Variants in ATP8A2 observed in about 807,000 individuals in gnomAD.
ATP8A2 encodes phospholipid-transporting ATPase IB.
Under a neutral mutation model 165.6 loss-of-function variants are expected in ATP8A2, and 100 were observed. The observed-to-expected ratio is 0.60, with a 90% confidence interval of 0.51 to 0.71. The LOEUF (loss-of-function observed/expected upper bound fraction) is 0.71. Ranked by LOEUF, ATP8A2 falls within the 30% of genes least tolerant of loss-of-function variation. The probability of loss-of-function intolerance (pLI) is 0.00; values close to 1 mark genes in which losing one functional copy is unlikely to be tolerated. For missense variants in ATP8A2, 1,227 were observed against 1,479.5 expected (o/e 0.83, Z 2.80); for synonymous variants, 543 against 548.8 (o/e 0.99, Z 0.15).
chr13:25,590,254 A>G (rs1288078777), intron 24 of ATP8A2, among the ~76,000 whole-genome samples: 1 of 152,092 alleles, frequency 6.6e-6, no homozygotes, highest in Non-Finnish European at 1.5e-5. Flanking sequence ...GCAGGACCTC[A>G]TCTCTACAAA....
At chr13:25,904,710 C>T (rs550796984) in intron 33 of ATP8A2, among the ~76,000 whole-genome samples, 8 of 152,306 alleles carry the variant, frequency 5.3e-5, no homozygotes, top group African/African-American at 1.7e-4. Flanking sequence ...CATCTCCCCC[C>T]GGTAATTAAT....
chr13:25,447,367 A>G (rs942020670), intron 1 of ATP8A2, among the ~76,000 whole-genome samples: 3 of 152,120 alleles, frequency 2.0e-5, no homozygotes, highest in Non-Finnish European at 2.9e-5. Context: ...TAACATATCT[A>G]TCACCTCAAA....
intron 26 of ATP8A2, among the ~76,000 whole-genome samples, chr13:25,771,687 T>C (rs2044622684): frequency 1.3e-5 from 2 of 152,218 alleles, no homozygotes; most frequent in African/African-American, 4.8e-5. Flanking sequence ...AAGGAACTGA[T>C]GCAGCCCACA....
intron 27 of ATP8A2, among the ~76,000 whole-genome samples, chr13:25,776,191 C>T (rs535158535): frequency 5.3e-5 from 8 of 152,350 alleles, no homozygotes; most frequent in Non-Finnish European, 8.8e-5. Context: ...TTCGCCAAGA[C>T]GTGTGCACTT....
intron 24 of ATP8A2, among the ~76,000 whole-genome samples, chr13:25,689,570 A>G (rs1169918514): frequency 6.6e-6 from 1 of 152,236 alleles, no homozygotes; most frequent in Non-Finnish European, 1.5e-5. Flanking sequence ...GAATAGCTAT[A>G]TCATTATTTG....
intron 24 of ATP8A2, among the ~76,000 whole-genome samples, chr13:25,654,435 C>A (rs1316373130): frequency 6.6e-6 from 1 of 152,170 alleles, no homozygotes; most frequent in Non-Finnish European, 1.5e-5. Context: ...AACTCCTGGG[C>A]TCAAATGATC....
At chr13:25,785,796 A>G (rs1384759989) in intron 27 of ATP8A2, among the ~76,000 whole-genome samples, 2 of 152,232 alleles carry the variant, frequency 1.3e-5, no homozygotes, top group Non-Finnish European at 1.5e-5. Context: ...GCTGTAGAAA[A>G]GTCAGTGGGC....
At chr13:25,747,148 A>G (rs1000062979) in intron 25 of ATP8A2, among the ~76,000 whole-genome samples, 1 of 152,202 alleles carries the variant, frequency 6.6e-6, no homozygotes, top group Non-Finnish European at 1.5e-5. Flanking sequence ...TTTCCTGTAT[A>G]CATATAAGAA....
intron 2 of ATP8A2, among the ~76,000 whole-genome samples, chr13:25,528,795 A>G (rs183286769): frequency 0.015 from 1,085 of 71,692 alleles, 48 homozygotes; most frequent in African/African-American, 0.039. Flanking sequence ...CAACATGTGT[A>G]TGCACACATA....
At chr13:25,924,728 A>G (rs1444747396) in intron 33 of ATP8A2, among the ~76,000 whole-genome samples, 4 of 152,122 alleles carry the variant, frequency 2.6e-5, no homozygotes, top group Non-Finnish European at 5.9e-5. Flanking sequence ...TCTCACCTTG[A>G]ATTGTAGTTC....
intron 33 of ATP8A2, among the ~76,000 whole-genome samples, chr13:25,923,425 C>T (rs186360434): frequency 3.3e-5 from 5 of 152,328 alleles, no homozygotes; most frequent in Admixed American, 6.5e-5. Flanking sequence ...GAGCCTGAAA[C>T]GCACAGGTTG....
intron 16 of ATP8A2, chr13:25,567,263 T>C (rs946781177): frequency 1.3e-5 from 6 of 456,026 alleles, no homozygotes; most frequent in African/African-American, 8.0e-5. Context: ...CTGTCCTCTG[T>C]TGATGTTTGA....
At chr13:25,860,689 A>T (rs2138756979) in intron 31 of ATP8A2, 115 bp from the exon 32 acceptor site, 2 of 782,100 alleles carry the variant, frequency 2.6e-6, no homozygotes, top group East Asian at 5.4e-5. Context: ...GGTGCTTTCA[A>T]ACCGGAGCTG....
chr13:25,779,118 T>TAA (rs35128674), intron 27 of ATP8A2, among the ~76,000 whole-genome samples: 14 of 140,750 alleles, frequency 9.9e-5, no homozygotes, highest in South Asian at 2.3e-4. Flanking sequence ...TTTAAGATGC[T>TAA]AAAAAAAAAA....
At chr13:25,429,371 TAAAAAAAAAA>T (rs751056483) in intron 1 of ATP8A2, among the ~76,000 whole-genome samples, 2 of 126,006 alleles carry the variant, frequency 1.6e-5, no homozygotes, top group African/African-American at 7.1e-5. Context: ...GACTCCATCT[TAAAAAAAAAA>T]AAAAAAAAAA....
At chr13:25,792,716 G>A (rs1266483042) in intron 27 of ATP8A2, among the ~76,000 whole-genome samples, 1 of 151,872 alleles carries the variant, frequency 6.6e-6, no homozygotes, top group Non-Finnish European at 1.5e-5. Context: ...TTCAAGAGCA[G>A]TGTTGGCAAC....
At chr13:25,963,406 A>AG (rs1555297795) in intron 34 of ATP8A2, among the ~76,000 whole-genome samples, 105 of 136,018 alleles carry the variant, frequency 7.7e-4, no homozygotes, top group Middle Eastern at 3.7e-3. Flanking sequence ...AAAAAAAAAA[A>AG]AAAAGAAAAG....
At chr13:25,942,382 T>G (rs1000863542) in intron 33 of ATP8A2, among the ~76,000 whole-genome samples, 4 of 152,236 alleles carry the variant, frequency 2.6e-5, no homozygotes, top group African/African-American at 9.6e-5. Flanking sequence ...ATGGTGTCTT[T>G]TAGTACAAAA....
At chr13:25,507,485 C>T (rs2037087034) in intron 2 of ATP8A2, among the ~76,000 whole-genome samples, 1 of 151,952 alleles carries the variant, frequency 6.6e-6, no homozygotes, top group African/African-American at 2.4e-5. Context: ...AGGCTGGTCA[C>T]GAACTCCTGA....
Sources: gnomAD v4.1 joint callset for allele counts (sites outside exome capture counted in the v4.1 genomes callset) on GRCh38, gnomAD v4.1.1 for gene constraint, MANE v1.5 for transcripts, NCBI Gene and HGNC (gene_info 2026-07-23, HGNC 2026-07-21) for gene names.